Variants in TRIQK observed in about 807,000 individuals in gnomAD.
The protein encoded by TRIQK is triple QxxK/R motif containing.
Under a neutral mutation model 10.8 loss-of-function variants are expected in TRIQK, and 10 were observed. The observed-to-expected ratio is 0.92, with a 90% CI of 0.57 to 1.57. The LOEUF (loss-of-function observed/expected upper bound fraction) is 1.57. Ranked by LOEUF, TRIQK falls within the 40% of genes most tolerant of loss-of-function variation. The pLI is 0.00. For missense variants in TRIQK, 107 were observed against 97.7 expected (o/e 1.09, Z -0.40); for synonymous variants, 33 against 33.7 (o/e 0.98, Z 0.07).
chr8:93,009,556 C>T (rs187933920), intron 1 of TRIQK, among the ~76,000 whole-genome samples: 78 of 151,742 alleles, frequency 5.1e-4, no homozygotes, highest in Non-Finnish European at 8.4e-4. Flanking sequence ...TTGCAGTGGG[C>T]GAGATGACAC....
chr8:92,901,424 T>C (rs1808932838), intron 3 of TRIQK, among the ~76,000 whole-genome samples: 1 of 152,200 alleles, frequency 6.6e-6, no homozygotes, highest in Non-Finnish European at 1.5e-5. Flanking sequence ...GTTCCTTCTA[T>C]ACCCAGTTTT....
At chr8:92,981,939 T>C (rs1812990855) in intron 1 of TRIQK, among the ~76,000 whole-genome samples, 1 of 151,846 alleles carries the variant, frequency 6.6e-6, no homozygotes, top group African/African-American at 2.4e-5. Flanking sequence ...AGCATTTACC[T>C]AGTGTGCCAC....
chr8:92,925,206 C>T (rs934888497), intron 2 of TRIQK, among the ~76,000 whole-genome samples: 2 of 151,944 alleles, frequency 1.3e-5, no homozygotes, highest in Non-Finnish European at 2.9e-5. Flanking sequence ...AAACAAACAA[C>T]CAAAAATATT....
At chr8:92,987,115 A>T (rs1305901480) in intron 1 of TRIQK, among the ~76,000 whole-genome samples, 1 of 152,214 alleles carries the variant, frequency 6.6e-6, no homozygotes, top group Non-Finnish European at 1.5e-5. Context: ...TATGGTCACC[A>T]TCCCTGAATC....
chr8:92,917,873 A>G (rs1586420736), intron 2 of TRIQK, among the ~76,000 whole-genome samples: 3 of 151,728 alleles, frequency 2.0e-5, no homozygotes, highest in Admixed American at 6.6e-5. Context: ...CAACTTCTCT[A>G]CCCTCTACCC....
intron 2 of TRIQK, among the ~76,000 whole-genome samples, chr8:92,928,762 G>C (rs755316748): frequency 6.6e-5 from 10 of 152,176 alleles, no homozygotes; most frequent in Non-Finnish European, 1.3e-4. Flanking sequence ...CCTGGTTGGG[G>C]TGGCATGATC....
chr8:92,908,827 T>C (rs1809418342), intron 3 of TRIQK, among the ~76,000 whole-genome samples: 2 of 152,028 alleles, frequency 1.3e-5, no homozygotes, highest in Admixed American at 1.3e-4. Flanking sequence ...ATTTACAGCA[T>C]GCCAAAAATA....
intron 1 of TRIQK, chr8:92,973,357 C>T (rs1586519031): frequency 6.6e-6 from 1 of 152,128 alleles, no homozygotes; most frequent in African/African-American, 2.4e-5. Context: ...AGCAATCACA[C>T]TTATGATGAA....
At chr8:92,976,794 C>A (rs551437326) in intron 1 of TRIQK, among the ~76,000 whole-genome samples, 83 of 151,992 alleles carry the variant, frequency 5.5e-4, no homozygotes, top group African/African-American at 2.0e-3. Context: ...ATAGCTGTAA[C>A]TTTTTAATGG....
At chr8:92,974,588 T>C (rs1812911160) in intron 1 of TRIQK, 1 of 152,230 alleles carries the variant, frequency 6.6e-6, no homozygotes, top group South Asian at 2.1e-4. Context: ...AATTGACTGA[T>C]AGTATCTAGA....
intron 1 of TRIQK, among the ~76,000 whole-genome samples, chr8:92,964,464 CTA>C (rs71563502): frequency 1.4e-3 from 196 of 142,310 alleles, no homozygotes; most frequent in South Asian, 6.5e-3. Context: ...ATATATATAT[CTA>C]TATATATATA....
At position 92,941,715 on chromosome 8, in the gene TRIQK, A is replaced by G. The variant is rs908838284; in HGVS notation, c.-22+12691T>C. 8.5e-5 allele frequency among the ~76,000 whole-genome samples: 13 copies of G among 152,294 alleles called. No individual in the cohort carries two copies. In the South Asian group the frequency reaches 2.7e-3, roughly 32 times the overall value. ...CCAAACTACATTTTTAAAAAAGAGA[A>G]AAGACTCAAATAAATTAATGATGGA... On this transcript the variant is annotated intron_variant, in intron 2 of 4. Transcript: ENST00000521988.
intron 2 of TRIQK, chr8:92,941,383 G>A (rs1563649004): frequency 6.6e-6 from 1 of 151,946 alleles, no homozygotes; most frequent in Non-Finnish European, 1.5e-5. Flanking sequence ...AGCCAAAAGG[G>A]AAATTTAAAA....
Position 92,921,330 on chromosome 8 carries a change from T to C in TRIQK, c.-21-4320A>G, listed in dbSNP as rs1243403986. Reference sequence around the variant, plus strand: ...CATAGTTATTTCCGTGCCAGAAAGATAAATTATTAAAAAAACTGTTGGCTA... The same window carrying C: ...CATAGTTATTTCCGTGCCAGAAAGACAAATTATTAAAAAAACTGTTGGCTA... On this transcript the variant is annotated intron_variant, in intron 2 of 4. Coordinates refer to ENST00000521988, the MANE Select transcript of TRIQK (RefSeq NM_001171797.2). 5 of 151,650 alleles carry C rather than the reference T, an allele frequency of 3.3e-5. No individual in the cohort carries two copies. In the South Asian group the frequency reaches 6.2e-4, roughly 19 times the overall value. The allele number at this position is 151,650 out of a possible 1,614,324, so 9.4% of individuals were successfully genotyped here.
intron 1 of TRIQK, among the ~76,000 whole-genome samples, chr8:93,003,527 C>A (rs1304540775): frequency 1.4e-5 from 2 of 147,414 alleles, no homozygotes; most frequent in East Asian, 3.9e-4. Context: ...AGAGCCAAAC[C>A]ATGTCATTCC....
rs1264038719 is a variant in TRIQK, at chr8:92,892,074, C to T, written c.62G>A (p.Gly21Asp). 4.0e-6 allele frequency: 6 copies of T among 1,507,824 alleles called. No homozygotes were observed. Among genetic ancestry groups the T allele is most frequent in the African/African-American group, 2.8e-5 (2 of 71,990 alleles). 93.4% of individuals were successfully genotyped at this position (1,507,824 alleles called of 1,614,324 possible). The change falls in exon 4 of 5, where the codon GGT becomes GAT. Residue 21 changes from glycine (G) to aspartate (D), a missense_variant and splice_region_variant. Coordinates refer to ENST00000521988, the MANE Select transcript of TRIQK (RefSeq NM_001171797.2). Reference sequence around the variant, plus strand: ...TTTAGTTTTTTTATAATCCTGTTTACCTAGAAAGAAATAGTTTCAGACAAT... The same window carrying T: ...TTTAGTTTTTTTATAATCCTGTTTATCTAGAAAGAAATAGTTTCAGACAAT... Reference protein sequence around the residue: ...LPVDQYRKQIGKQDYKKTKPI... With the variant: ...LPVDQYRKQIDKQDYKKTKPI...
At chr8:92,933,211 C>A (rs574663997) in intron 2 of TRIQK, among the ~76,000 whole-genome samples, 1 of 152,162 alleles carries the variant, frequency 6.6e-6, no homozygotes, top group Non-Finnish European at 1.5e-5. Context: ...ATATTCATAG[C>A]TTTCCTCTCT....
intron 3 of TRIQK, among the ~76,000 whole-genome samples, chr8:92,903,035 T>G (rs903362224): frequency 3.3e-5 from 5 of 151,902 alleles, no homozygotes; most frequent in Non-Finnish European, 7.4e-5. Context: ...GTTTAAAATT[T>G]TAACATTTTA....
At chr8:92,904,527 T>TA (rs1424828219) in intron 3 of TRIQK, among the ~76,000 whole-genome samples, 9 of 152,238 alleles carry the variant, frequency 5.9e-5, no homozygotes, top group African/African-American at 2.2e-4. Context: ...TTTCTTACTG[T>TA]AGCAGAATAA....
Sources: allele counts gnomAD v4.1 joint callset (sites outside exome capture counted in the v4.1 genomes callset), GRCh38; gene constraint gnomAD v4.1.1; transcripts MANE v1.5; gene names NCBI Gene and HGNC (gene_info 2026-07-23, HGNC 2026-07-21).